The following PXDC1 variants were observed in gnomAD, a reference collection of about 807,000 sequenced individuals.
PXDC1 encodes the protein PX domain containing 1.
In PXDC1, 13 loss-of-function variants were observed where a neutral mutation model predicts 24.4. That is an observed-to-expected ratio of 0.53 (90% CI 0.35 to 0.85). The LOEUF (loss-of-function observed/expected upper bound fraction) is 0.85, where lower values mean the gene tolerates loss of function less well. Among genes scored for constraint, PXDC1 ranks in the 40% least tolerant of loss-of-function variants. PXDC1 has a pLI of 0.01. For synonymous variants in PXDC1, 162 were observed against 124.9 expected (o/e 1.30, Z -1.98); for missense variants, 344 against 309.3 (o/e 1.11, Z -0.84).
At chr6:3,747,651 G>A (rs572241758) in intron 1 of PXDC1, among the ~76,000 whole-genome samples, 3 of 152,124 alleles carry the variant, frequency 2.0e-5, no homozygotes, top group South Asian at 4.2e-4. Context: ...ACTTGTCCTC[G>A]ATCACCCTGT....
intron 1 of PXDC1, chr6:3,739,246 C>T (rs1361803354): frequency 3.3e-6 from 2 of 607,886 alleles, no homozygotes; most frequent in Non-Finnish European, 4.3e-6. Context: ...AAAACTCCCA[C>T]CAGGGCTCCC....
Position 3,737,954 on chromosome 6 carries a change from A to T in PXDC1, c.348+103T>A. On this transcript the variant is annotated intron_variant, in intron 2 of 4. Transcript: ENST00000380283. This position sits in a 1 kb window ranked among gnomAD's most constrained non-coding sequence, Gnocchi z 5.5. ...AGGGAACAAAACGGCTAAGTGAGAC[A>T]GAGCAAGCAAGTCAACCCTCCGGGG... 1.0e-6 allele frequency: 1 copy of T among 964,934 alleles called. No homozygotes were observed. Among genetic ancestry groups the T allele is most frequent in the Non-Finnish European group, 1.6e-6 (1 of 619,248 alleles). The allele number at this position is 964,934 out of a possible 1,614,324, so 59.8% of individuals were successfully genotyped here.
intron 1 of PXDC1, among the ~76,000 whole-genome samples, chr6:3,739,979 G>C (rs544947679): frequency 6.6e-6 from 1 of 152,258 alleles, no homozygotes; most frequent in Admixed American, 6.5e-5. Context: ...TTCCCACAAA[G>C]TGCTTCTTTA....
rs749482530 is a variant in PXDC1, at chr6:3,728,202, T to C, written c.467-540A>G. Among the ~76,000 whole-genome samples the C allele has an allele frequency of 1.3e-5, 2 of 152,220 alleles. No homozygotes were observed. The highest frequency in any genetic ancestry group is 2.9e-5 in the Non-Finnish European group (2 of 68,040). ...GTCTTGGTTACACGGATAAGTTCTT[T>C]AGCGGTGATTTCTGAGATTTTGGTG... is the stretch of plus-strand genomic sequence containing the variant. On this transcript the variant is annotated intron_variant, in intron 3 of 4. Transcript: ENST00000380283. This position sits in a 1 kb window ranked among gnomAD's most constrained non-coding sequence, Gnocchi z 4.0.
intron 1 of PXDC1, chr6:3,739,067 T>C (rs940747426): frequency 8.4e-7 from 1 of 1,184,156 alleles, no homozygotes; most frequent in Admixed American, 3.5e-5. Context: ...CCTAGTATTA[T>C]TGGTCACGGA....
At chr6:3,738,221 A>T in intron 1 of PXDC1, 73 bp from the exon 2 acceptor site, 2 of 1,134,050 alleles carry the variant, frequency 1.8e-6, no homozygotes, top group South Asian at 2.5e-5. Context: ...AATACACAAC[A>T]GGTGCCCACA....
At chr6:3,741,024 G>A (rs539457113) in intron 1 of PXDC1, among the ~76,000 whole-genome samples, 2 of 152,384 alleles carry the variant, frequency 1.3e-5, no homozygotes, top group Non-Finnish European at 2.9e-5. Flanking sequence ...TGCATCAGAT[G>A]AGACAGAAGT....
In PXDC1 at chr6:3,728,023, G is replaced by A. The variant is rs1760108450; in HGVS notation, c.467-361C>T. Among the ~76,000 whole-genome samples, 1 of 152,200 alleles carries A rather than the reference G, an allele frequency of 6.6e-6. No homozygotes were observed. On this transcript the variant is annotated intron_variant, in intron 3 of 4. Transcript: ENST00000380283. This position sits in a 1 kb window ranked among gnomAD's most constrained non-coding sequence, Gnocchi z 4.0. ...TGTGAGAGCAGAGCTATGGCACAGT[G>A]ACATGTGGCTCTGCCCAGGGTACCT...
chr6:3,737,087 T>C lies in PXDC1; in HGVS notation c.458A>G (p.Lys153Arg), dbSNP rs779260551. ...TCCTTTGTGGCTCTTACCTGATATT[T>C]TGACTGGACTTTGAAAGCTGGGTTG... Reference protein sequence around the residue: ...KIQPSFQSPVKISEIMRSNGF... With the variant: ...KIQPSFQSPVRISEIMRSNGF... Residue 153 changes from lysine (K) to arginine (R), a missense_variant, in exon 3 of 5, where the codon AAA (lysine) becomes AGA (arginine). By Grantham distance (26) the Lys-to-Arg change is conservative. Coordinates refer to ENST00000380283, the MANE Select transcript of PXDC1 (RefSeq NM_183373.4). This position sits in a 1 kb window ranked among gnomAD's most constrained non-coding sequence, Gnocchi z 5.5. The C allele has an allele frequency of 5.6e-6, 9 of 1,601,260 alleles. No homozygotes were observed. Among genetic ancestry groups the C allele is most frequent in the Admixed American group, 3.3e-5 (2 of 60,004 alleles).
chr6:3,749,958 A>G (rs565396535), intron 1 of PXDC1, among the ~76,000 whole-genome samples: 2 of 152,368 alleles, frequency 1.3e-5, no homozygotes, highest in East Asian at 3.9e-4. Flanking sequence ...ATATCATAAC[A>G]AACAGCAAAT....
intron 1 of PXDC1, among the ~76,000 whole-genome samples, chr6:3,750,013 G>A (rs958900373): frequency 6.6e-6 from 1 of 152,262 alleles, no homozygotes; most frequent in African/African-American, 2.4e-5. Flanking sequence ...CCAACTGTCT[G>A]GAGAACAGCT....
intron 1 of PXDC1, among the ~76,000 whole-genome samples, chr6:3,749,206 GGT>G (rs897322293): frequency 5.1e-4 from 78 of 151,752 alleles, no homozygotes; most frequent in African/African-American, 1.5e-3. Flanking sequence ...CCCCCTCCAG[GGT>G]GTGCCAGACT....
Position 3,737,229 on chromosome 6 carries a change from T to C in PXDC1, c.349-33A>G. 1 of 1,475,146 alleles carries C rather than the reference T, an allele frequency of 6.8e-7. No individual in the cohort carries two copies. 91.4% of individuals were successfully genotyped at this position (1,475,146 alleles called of 1,614,324 possible). On this transcript the variant is annotated intron_variant, in intron 2 of 4. Transcript: ENST00000380283. This position sits in a 1 kb window ranked among gnomAD's most constrained non-coding sequence, Gnocchi z 5.5. ...GAAATGCAGGGATTACTAAAAACGA[T>C]CAGCCTCTACACGTTGGCCCTGTCT...
At chr6:3,750,368 G>A (rs1478994235) in intron 1 of PXDC1, among the ~76,000 whole-genome samples, 7 of 152,198 alleles carry the variant, frequency 4.6e-5, no homozygotes, top group Non-Finnish European at 8.8e-5. Flanking sequence ...GTCACCCATG[G>A]AGGGGGGTGG....
At chr6:3,748,700 G>T (rs1008772698) in intron 1 of PXDC1, among the ~76,000 whole-genome samples, 3 of 152,136 alleles carry the variant, frequency 2.0e-5, no homozygotes. Flanking sequence ...ACCCTCCAAG[G>T]GTGTGCAGAC....
At chr6:3,739,198 T>C (rs1227824612) in intron 1 of PXDC1, 37 of 1,054,486 alleles carry the variant, frequency 3.5e-5, no homozygotes, top group Non-Finnish European at 4.2e-5. Flanking sequence ...TTAAACTTCC[T>C]GACTGAAATT....
At position 3,724,322 on chromosome 6, in the gene PXDC1, G is replaced by A. The variant is rs912550687; in HGVS notation, c.579-586C>T. 6.6e-6 allele frequency among the ~76,000 whole-genome samples: 1 copy of A among 152,096 alleles called. No homozygotes were observed. The highest frequency in any genetic ancestry group is 2.4e-5 in the African/African-American group (1 of 41,376). On this transcript the variant is annotated intron_variant, in intron 4 of 4. Coordinates refer to ENST00000380283, the MANE Select transcript of PXDC1 (RefSeq NM_183373.4). This position sits in a 1 kb window ranked among gnomAD's most constrained non-coding sequence, Gnocchi z 4.5. The stretch of plus-strand genomic sequence containing the variant: ...GCAGATGAGAAGCATCCGAACATGG[G>A]GGACTTACATGGGGTGTGGAGAACT...
intron 3 of PXDC1, among the ~76,000 whole-genome samples, chr6:3,729,675 C>G (rs1038213572): frequency 2.0e-5 from 3 of 152,216 alleles, no homozygotes; most frequent in Admixed American, 2.0e-4. Context: ...CCTCGCCTCT[C>G]TATCTAAAAT....
chr6:3,750,173 G>GC (rs1760668813), intron 1 of PXDC1, among the ~76,000 whole-genome samples: 1 of 152,228 alleles, frequency 6.6e-6, no homozygotes, highest in African/African-American at 2.4e-5. Flanking sequence ...TGGGGTTGGG[G>GC]CCATCGCCAG....
Sources: gnomAD v4.1 joint callset for allele counts (sites outside exome capture counted in the v4.1 genomes callset) on GRCh38, gnomAD v4.1.1 for gene constraint, Gnocchi (gnomAD v3.1) non-coding constraint, MANE v1.5 for transcripts, NCBI Gene and HGNC (gene_info 2026-07-23, HGNC 2026-07-21) for gene names.